The following VWA2 variants were observed in gnomAD, a reference collection of about 807,000 sequenced individuals.
VWA2 encodes von Willebrand factor A domain containing 2.
VWA2 carries 73 observed loss-of-function variants against 70.4 expected under a neutral mutation model. The observed-to-expected ratio is 1.04, with a 90% CI of 0.86 to 1.26. VWA2 has a LOEUF of 1.26. VWA2 is among the 50% of genes most tolerant of loss of function. VWA2 has a pLI of 0.00. For synonymous variants in VWA2, 407 were observed against 423.3 expected, an observed-to-expected ratio of 0.96 and a Z score of 0.47; for missense variants, 1,011 against 998.5, an observed-to-expected ratio of 1.01 and a Z score of -0.17.
chr10:114,250,382 T>C (rs2037170030), intron 2 of VWA2, among the ~76,000 whole-genome samples: 1 of 152,214 alleles, frequency 6.6e-6, no homozygotes, highest in Non-Finnish European at 1.5e-5. Flanking sequence ...CTTTGAAATA[T>C]GAGAAGGTAG....
rs763099801 is a variant in VWA2 at position 114,249,899 on chromosome 10, C to A, written c.52+1134C>A. On this transcript the variant is annotated intron_variant, in intron 2 of 13. Coordinates refer to ENST00000392982, the MANE Select transcript of VWA2 (RefSeq NM_001272046.2). Reference sequence around the variant, plus strand: ...ATCTTACCCCGTGGCCATCCTGAGTCCCCTCTACGCCCTCTGCACCACAGC... The same window carrying A: ...ATCTTACCCCGTGGCCATCCTGAGTACCCTCTACGCCCTCTGCACCACAGC... Among the ~76,000 whole-genome samples the A allele has an allele frequency of 2.0e-4, 31 of 152,256 alleles. 1 individual carries two copies. Among genetic ancestry groups the A allele is most frequent in the Middle Eastern group, 3.4e-3 (1 of 294 alleles).
intron 4 of VWA2, among the ~76,000 whole-genome samples, chr10:114,255,526 T>G (rs1246429241): frequency 6.6e-6 from 1 of 152,146 alleles, no homozygotes; most frequent in Non-Finnish European, 1.5e-5. Flanking sequence ...TAGATTTGAC[T>G]TTCCTCTGGA....
chr10:114,265,962 G>A (rs1204673298), intron 5 of VWA2, among the ~76,000 whole-genome samples: 1 of 152,136 alleles, frequency 6.6e-6, no homozygotes, highest in African/African-American at 2.4e-5. Context: ...GACCTCCCCG[G>A]AGCACTTTGT....
At chr10:114,255,147 G>C in intron 4 of VWA2, 99 bp downstream of exon 4, 4 of 1,488,654 alleles carry the variant, frequency 2.7e-6, no homozygotes, top group Non-Finnish European at 3.7e-6. Context: ...CGCTTGTGGA[G>C]CTGGGAAGAC....
At chr10:114,286,885 T>C (rs1366441057) in intron 11 of VWA2, among the ~76,000 whole-genome samples, 1 of 152,214 alleles carries the variant, frequency 6.6e-6, no homozygotes, top group Non-Finnish European at 1.5e-5. Context: ...CCAGCTCCTT[T>C]GATGGCAATC....
intron 5 of VWA2, among the ~76,000 whole-genome samples, chr10:114,270,222 A>T (rs1253540345): frequency 6.6e-6 from 1 of 152,142 alleles, no homozygotes; most frequent in African/African-American, 2.4e-5. Context: ...GTGCCTTCAC[A>T]ACTATGTAAC....
intron 2 of VWA2, among the ~76,000 whole-genome samples, chr10:114,252,298 T>C (rs1188928179): frequency 6.6e-6 from 1 of 152,226 alleles, no homozygotes; most frequent in African/African-American, 2.4e-5. Context: ...CTTTTGGCTG[T>C]GGAGCTGACT....
intron 5 of VWA2, among the ~76,000 whole-genome samples, chr10:114,264,471 G>C (rs1383624677): frequency 1.3e-5 from 2 of 151,768 alleles, no homozygotes; most frequent in Non-Finnish European, 2.9e-5. Context: ...AGGCTGGAGT[G>C]CGGTGGTGCT....
At position 114,286,315 on chromosome 10, in the gene VWA2, G is replaced by A. The variant is rs1227142582; in HGVS notation, c.1374G>A (p.Glu458=). 6.2e-7 allele frequency: 1 copy of A among 1,612,124 alleles called. No individual in the cohort carries two copies. The stretch of plus-strand genomic sequence containing the variant: ...TTTTGCTCACTGAGTCACACTCCGA[G>A]GATGAGGTTGCGGGCCCAGCGCGTC... ...VVVLLTESHS[E]DEVAGPARHA... Residue 458 remains glutamate (E), a synonymous_variant, in exon 11 of 14, where the codon GAG becomes GAA. Transcript: ENST00000392982.
chr10:114,276,565 C>T (rs1399332367), intron 6 of VWA2, among the ~76,000 whole-genome samples: 1 of 152,138 alleles, frequency 6.6e-6, no homozygotes, highest in African/African-American at 2.4e-5. Context: ...GTGGCACGAT[C>T]ATGGCTAACT....
chr10:114,245,094 A>C (rs1372959747), intron 1 of VWA2, among the ~76,000 whole-genome samples: 1 of 152,190 alleles, frequency 6.6e-6, no homozygotes, highest in East Asian at 1.9e-4. Flanking sequence ...GGTGCTGCAG[A>C]AGTTGCAGAG....
In VWA2 at chr10:114,254,697, G is replaced by T. The variant is rs1013696072; in HGVS notation, c.128-218G>T. Among the ~76,000 whole-genome samples the T allele has an allele frequency of 3.1e-4, 47 of 152,136 alleles. 2 individuals are homozygous for T. Among genetic ancestry groups the T allele is most frequent in the Non-Finnish European group, 2.9e-5 (2 of 68,030 alleles). ...TGTTGAACTAGGTTCTTCCATTATT[G>T]TAATACAAAGGCTTTCACGTAAGGG... On this transcript the variant is annotated intron_variant, in intron 3 of 13. Coordinates refer to ENST00000392982, the MANE Select transcript of VWA2 (RefSeq NM_001272046.2).
At position 114,294,321 on chromosome 10, in the gene VWA2, T is replaced by C. The variant is rs547555963; in HGVS notation, c.*3084T>C. The stretch of plus-strand genomic sequence containing the variant: ...ATACATATTTCTCAAACTTTTACAC[T>C]GATATATTCATAGTATTTTTTTATA... On this transcript the variant is annotated 3_prime_UTR_variant, in exon 14 of 14. Coordinates refer to ENST00000392982, the MANE Select transcript of VWA2 (RefSeq NM_001272046.2). Among the ~76,000 whole-genome samples the C allele has an allele frequency of 7.2e-5, 11 of 152,350 alleles. No individual in the cohort carries two copies. The South Asian group carries it at 2.3e-3, about 32-fold the overall frequency.
chr10:114,289,157 C>A lies in VWA2; in HGVS notation c.1790C>A (p.Ala597Asp), dbSNP rs1347008907. 2.5e-6 allele frequency: 4 copies of A among 1,613,684 alleles called. No homozygotes were observed. The highest frequency in any genetic ancestry group is 3.4e-6 in the Non-Finnish European group (4 of 1,179,902). ...CCCACCCGGGCTGCGATGCTGCGGGCCATTAGCCAGGCCCCCTACCTAGGT... is the reference window on the plus strand; with the variant it reads ...CCCACCCGGGCTGCGATGCTGCGGGACATTAGCCAGGCCCCCTACCTAGGT... The part of the protein sequence containing the change: ...TKPTRAAMLR[A>D]ISQAPYLGGV... The change falls in exon 12 of 14, where the codon GCC becomes GAC. Residue 597 changes from alanine (A) to aspartate (D), a missense_variant. Ala to Asp is a moderately radical substitution (Grantham distance 126). Coordinates refer to ENST00000392982, the MANE Select transcript of VWA2 (RefSeq NM_001272046.2).
At chr10:114,285,118 G>A (rs538724121) in intron 10 of VWA2, 148 bp downstream of exon 10, 39 of 601,128 alleles carry the variant, frequency 6.5e-5, no homozygotes, top group South Asian at 5.0e-4. Context: ...TGCAGTTCAC[G>A]TGGTGCAGCC....
At chr10:114,276,259 T>C (rs921555303) in intron 6 of VWA2, among the ~76,000 whole-genome samples, 2 of 152,196 alleles carry the variant, frequency 1.3e-5, no homozygotes, top group Non-Finnish European at 1.5e-5. Context: ...GAGTCGCTGT[T>C]GCTCACTGGT....
chr10:114,256,909 CAAA>C (rs1191231574), intron 4 of VWA2, among the ~76,000 whole-genome samples: 246 of 54,800 alleles, frequency 4.5e-3, no homozygotes, highest in African/African-American at 0.015. Context: ...AACACCGTCT[CAAA>C]AAAAAAAAAA....
intron 1 of VWA2, among the ~76,000 whole-genome samples, chr10:114,244,198 G>A (rs1008968948): frequency 3.3e-5 from 5 of 152,182 alleles, no homozygotes; most frequent in African/African-American, 1.2e-4. Context: ...AGCTGGGGGA[G>A]AAATTGCCAA....
rs137886547 is a variant in VWA2 at position 114,254,239 on chromosome 10, T to C, written c.127+514T>C. ...GGCATGCATCACCACGCCTAGCTAG[T>C]TTTTGTGTTTTTAGTAGAGATGGGG... On this transcript the variant is annotated intron_variant, in intron 3 of 13. Coordinates refer to ENST00000392982, the MANE Select transcript of VWA2 (RefSeq NM_001272046.2). 3.8e-3 allele frequency among the ~76,000 whole-genome samples: 570 copies of C among 151,614 alleles called. 6 individuals are homozygous for C. Among genetic ancestry groups the C allele is most frequent in the African/African-American group, 0.013 (546 of 41,370 alleles).
Sources: allele counts gnomAD v4.1 joint callset (sites outside exome capture counted in the v4.1 genomes callset), GRCh38; gene constraint gnomAD v4.1.1; transcripts MANE v1.5; gene names NCBI Gene and HGNC (gene_info 2026-07-23, HGNC 2026-07-21).